Variants in MEGF11 observed in about 807,000 individuals in gnomAD.
MEGF11 encodes the protein multiple EGF like domains 11, also known as multiple epidermal growth factor-like domains protein 11.
A neutral mutation model predicts 146.6 loss-of-function variants in MEGF11; 126 were observed. That is an observed-to-expected ratio of 0.86 (90% CI 0.74 to 1.00). MEGF11 has a LOEUF of 1.00. Ranked by LOEUF, MEGF11 falls within the 50% of genes least tolerant of loss-of-function variation. The pLI is 0.00. For missense variants in MEGF11, 1,509 were observed against 1,521.2 expected (o/e 0.99, Z 0.13); for synonymous variants, 532 against 583.4 (o/e 0.91, Z 1.27).
chr15:66,102,811 G>C (rs1296635096), intron 4 of MEGF11, among the ~76,000 whole-genome samples: 1 of 152,080 alleles, frequency 6.6e-6, no homozygotes, highest in African/African-American at 2.4e-5. Flanking sequence ...ATACACCCAG[G>C]GTTCCTTCCC....
chr15:66,088,169 T>A (rs112999487), intron 5 of MEGF11, among the ~76,000 whole-genome samples: 96 of 152,266 alleles, frequency 6.3e-4, no homozygotes, highest in African/African-American at 2.1e-3. Flanking sequence ...AGCAGTGACA[T>A]TGAAATGATA....
At chr15:66,044,343 T>G (rs904425332) in intron 5 of MEGF11, among the ~76,000 whole-genome samples, 22 of 152,202 alleles carry the variant, frequency 1.4e-4, no homozygotes, top group Non-Finnish European at 3.1e-4. Context: ...AACCCTCCAC[T>G]CATTAATCCA....
At chr15:66,168,879 T>G (rs1331871138) in intron 1 of MEGF11, among the ~76,000 whole-genome samples, 2 of 152,132 alleles carry the variant, frequency 1.3e-5, no homozygotes, top group Non-Finnish European at 2.9e-5. Flanking sequence ...TCCCAGCTAC[T>G]TGGGAGGCTG....
At position 65,895,844 on chromosome 15, in the gene MEGF11, C is replaced by T. The variant is rs550639129; in HGVS notation, c.*2090G>A. On this transcript the variant is annotated 3_prime_UTR_variant, in exon 26 of 26. Coordinates refer to ENST00000395614, the MANE Select transcript of MEGF11 (RefSeq NM_001385028.1). ...GCCCAGAGAGGGCGACTAACTTGAC[C>T]AGAGTAACACTGAAATCTCTTGATT... 1 of 152,246 alleles carries T rather than the reference C, an allele frequency of 6.6e-6. No homozygotes were observed. The highest frequency in any genetic ancestry group is 1.5e-5 in the Non-Finnish European group (1 of 68,036). The allele number at this position is 152,246 out of a possible 1,614,324, so 9.4% of individuals were successfully genotyped here.
Position 65,909,700 on chromosome 15 carries a change from G to A in MEGF11, c.2896+40C>T, listed in dbSNP as rs536910458. The A allele has an allele frequency of 4.8e-5, 73 of 1,516,750 alleles. No individual in the cohort carries two copies. The South Asian group carries it at 8.3e-4, about 17-fold the overall frequency. 94.0% of individuals were successfully genotyped at this position (1,516,750 alleles called of 1,614,324 possible). Reference sequence around the variant, plus strand: ...TCTCAATATGGAAGAAGAATAGGGTGGGACATGATGGTGGGGACCAGACTC... The same window carrying A: ...TCTCAATATGGAAGAAGAATAGGGTAGGACATGATGGTGGGGACCAGACTC... On this transcript the variant is annotated intron_variant, in intron 22 of 25. Transcript: ENST00000395614.
chr15:65,919,357 A>C (rs1336014233), intron 15 of MEGF11, among the ~76,000 whole-genome samples: 1 of 152,200 alleles, frequency 6.6e-6, no homozygotes, highest in Non-Finnish European at 1.5e-5. Context: ...CATACCTCAG[A>C]GATGTGGGTT....
intron 1 of MEGF11, among the ~76,000 whole-genome samples, chr15:66,130,956 G>T (rs2088623547): frequency 6.6e-6 from 1 of 152,186 alleles, no homozygotes; most frequent in Non-Finnish European, 1.5e-5. Context: ...ACTCCATTTG[G>T]AGTGACAGAG....
intron 6 of MEGF11, 66 bp from the exon 7 acceptor site, chr15:65,980,964 C>T: frequency 6.8e-7 from 1 of 1,470,120 alleles, no homozygotes; most frequent in Non-Finnish European, 9.0e-7. Flanking sequence ...CCCCAGTGCT[C>T]CAGGGTTCCC....
intron 7 of MEGF11, 77 bp downstream of exon 7, chr15:65,980,701 T>A: frequency 2.0e-6 from 3 of 1,466,504 alleles, no homozygotes; most frequent in Non-Finnish European, 2.7e-6. Flanking sequence ...CCCGGCTAGT[T>A]TAGCCTTTTA....
chr15:66,208,422 A>G (rs1233934517), intron 1 of MEGF11, among the ~76,000 whole-genome samples: 1 of 152,216 alleles, frequency 6.6e-6, no homozygotes, highest in Non-Finnish European at 1.5e-5. Context: ...AGAAGACCAG[A>G]AAAAGAGGGA....
At chr15:66,147,654 C>T (rs967140288) in intron 1 of MEGF11, among the ~76,000 whole-genome samples, 9 of 152,140 alleles carry the variant, frequency 5.9e-5, no homozygotes, top group Admixed American at 4.6e-4. Context: ...GCAGGTGCAC[C>T]GAGGCAGCAG....
intron 10 of MEGF11, among the ~76,000 whole-genome samples, chr15:65,948,372 G>C (rs535454040): frequency 6.6e-6 from 1 of 151,976 alleles, no homozygotes; most frequent in East Asian, 1.9e-4. Flanking sequence ...CCACCATTAT[G>C]AAGCTGTTTT....
chr15:66,161,200 C>G (rs954711442), intron 1 of MEGF11, among the ~76,000 whole-genome samples: 2 of 152,090 alleles, frequency 1.3e-5, no homozygotes, highest in African/African-American at 4.8e-5. Context: ...CTTGACAGGC[C>G]GGAGCAATGT....
chr15:66,152,655 G>T lies in MEGF11; in HGVS notation c.-8-24244C>A, dbSNP rs558885577. Among the ~76,000 whole-genome samples, 37 of 152,328 alleles carry T rather than the reference G, an allele frequency of 2.4e-4. 1 individual carries two copies. The highest frequency in any genetic ancestry group is 8.9e-4 in the African/African-American group (37 of 41,566). On this transcript the variant is annotated intron_variant, in intron 1 of 25. Transcript: ENST00000395614. The stretch of plus-strand genomic sequence containing the variant: ...TATGTGGATAAGATCTCTGTGGAGA[G>T]AAGCACTGGTCTGAAACCTCCCCTT...
At position 65,913,724 on chromosome 15, in the gene MEGF11, G is replaced by GC. The variant is rs1465484602; in HGVS notation, c.2710+12dup. On this transcript the variant is annotated intron_variant, in intron 20 of 25. Coordinates refer to ENST00000395614, the MANE Select transcript of MEGF11 (RefSeq NM_001385028.1). ...GAGGGGAAGAGGAGGGAGGCCAGGA[G>GC]CATGGCCCTTACCTGAGAGGGAGTA... 6.3e-7 allele frequency: 1 copy of GC among 1,596,838 alleles called. No individual in the cohort carries two copies. The highest frequency in any genetic ancestry group is 2.2e-5 in the East Asian group (1 of 44,452).
chr15:66,205,617 T>C (rs2140107611), intron 1 of MEGF11, among the ~76,000 whole-genome samples: 1 of 152,292 alleles, frequency 6.6e-6, no homozygotes, highest in African/African-American at 2.4e-5. Flanking sequence ...ACTTTCACCT[T>C]CTCCAGCTAG....
At chr15:66,228,938 A>G (rs1317789041) in intron 1 of MEGF11, among the ~76,000 whole-genome samples, 1 of 152,086 alleles carries the variant, frequency 6.6e-6, no homozygotes, top group Non-Finnish European at 1.5e-5. Flanking sequence ...AGTCCTCTCT[A>G]CACAGCGCCC....
intron 5 of MEGF11, among the ~76,000 whole-genome samples, chr15:66,067,679 G>A (rs2085192189): frequency 6.6e-6 from 1 of 152,170 alleles, no homozygotes; most frequent in African/African-American, 2.4e-5. Context: ...AGCCTTTTAT[G>A]GCTCCCATAA....
chr15:65,914,708 T>C (rs2078933502), intron 19 of MEGF11, among the ~76,000 whole-genome samples: 1 of 152,218 alleles, frequency 6.6e-6, no homozygotes, highest in East Asian at 1.9e-4. Flanking sequence ...GGGAGGTAAA[T>C]GTGCTGCAAT....
Sources: allele counts gnomAD v4.1 joint callset (sites outside exome capture counted in the v4.1 genomes callset), GRCh38; gene constraint gnomAD v4.1.1; transcripts MANE v1.5; gene names NCBI Gene and HGNC (gene_info 2026-07-23, HGNC 2026-07-21).